ITGB3BP: variants seen among roughly 807,000 people sequenced by gnomAD.
The protein encoded by ITGB3BP is centromere protein R.
A neutral mutation model predicts 29.1 loss-of-function variants in ITGB3BP; 27 were observed. The observed-to-expected ratio is 0.93, with a 90% CI of 0.68 to 1.28. The LOEUF is 1.28. Among genes scored for constraint, ITGB3BP ranks in the 50% most tolerant of loss-of-function variants. ITGB3BP has a pLI of 0.00. For synonymous variants in ITGB3BP, 61 were observed against 61.4 expected (o/e 0.99, Z 0.03); for missense variants, 192 against 200.2 (o/e 0.96, Z 0.25).
chr1:63,463,795 AC>A (rs1645057355), intron 4 of ITGB3BP, among the ~76,000 whole-genome samples: 1 of 152,210 alleles, frequency 6.6e-6, no homozygotes, highest in Non-Finnish European at 1.5e-5. Flanking sequence ...GAAGAAAAAA[AC>A]ATTTTTAAAC....
At chr1:63,505,406 T>C (rs1176629346) in intron 2 of ITGB3BP, among the ~76,000 whole-genome samples, 1 of 152,200 alleles carries the variant, frequency 6.6e-6, no homozygotes, top group East Asian at 1.9e-4. Context: ...CTCTCTTTTC[T>C]TCTTTATTAG....
intron 8 of ITGB3BP, chr1:63,443,031 AG>A (rs1282987391): frequency 1.3e-5 from 2 of 152,270 alleles, no homozygotes; most frequent in African/African-American, 4.8e-5. Flanking sequence ...TGTTTCACAA[AG>A]GCTTCACTTT....
intron 1 of ITGB3BP, among the ~76,000 whole-genome samples, chr1:63,509,533 T>C (rs934516042): frequency 6.6e-6 from 1 of 152,142 alleles, no homozygotes; most frequent in African/African-American, 2.4e-5. Context: ...TGACTATTCG[T>C]AAGTAACTAT....
intron 8 of ITGB3BP, chr1:63,446,422 A>G (rs1333791714): frequency 5.9e-6 from 1 of 170,856 alleles, no homozygotes; most frequent in African/African-American, 2.4e-5. Context: ...CAGACTAGTT[A>G]TATCTTGTTC....
At chr1:63,476,838 T>C (rs938018735) in intron 4 of ITGB3BP, among the ~76,000 whole-genome samples, 1 of 152,254 alleles carries the variant, frequency 6.6e-6, no homozygotes, top group Non-Finnish European at 1.5e-5. Context: ...AAATTTTTAC[T>C]TGCTACTTGC....
In ITGB3BP at chr1:63,493,025, C is replaced by G. The variant is rs548704244; in HGVS notation, c.49-2807G>C. 1.9e-3 allele frequency among the ~76,000 whole-genome samples: 294 copies of G among 152,018 alleles called. 13 individuals are homozygous for G. In the South Asian group the frequency reaches 0.059, roughly 31 times the overall value. On this transcript the variant is annotated intron_variant, in intron 2 of 8. Coordinates refer to ENST00000271002, the MANE Select transcript of ITGB3BP (RefSeq NM_014288.5). ...ACTCTGGAGGCTGAGGTGGGAAGAT[C>G]ACTTAAACCCAGGAAGTTGAGGCTG...
At chr1:63,521,259 T>TA (rs11451867) in intron 1 of ITGB3BP, among the ~76,000 whole-genome samples, 28,163 of 129,784 alleles carry the variant, frequency 0.22, 2,833 homozygotes, top group Middle Eastern at 0.3. Context: ...GTAACCACAT[T>TA]AAAAAAAAAA....
rs1003523343 is a variant in ITGB3BP, at chr1:63,454,641, G to GA, written c.334-169dup. Among the ~76,000 whole-genome samples, 17 of 150,650 alleles carry GA rather than the reference G, an allele frequency of 1.1e-4. No individual in the cohort carries two copies. Among genetic ancestry groups the GA allele is most frequent in the East Asian group, 3.9e-4 (2 of 5,138 alleles). On this transcript the variant is annotated intron_variant, in intron 5 of 8. Transcript: ENST00000271002. This position sits in a 1 kb window ranked among gnomAD's most constrained non-coding sequence, Gnocchi z 4.1. ...AACTATTTCAAGCCCAAAAATGCCTGAAAAAAAACAATTTATAATTAACTA... is the reference window on the plus strand; with the variant it reads ...AACTATTTCAAGCCCAAAAATGCCTGAAAAAAAAACAATTTATAATTAACTA...
At chr1:63,507,955 A>G (rs991928268) in intron 2 of ITGB3BP, among the ~76,000 whole-genome samples, 1 of 152,194 alleles carries the variant, frequency 6.6e-6, no homozygotes, top group South Asian at 2.1e-4. Context: ...ATAAACTAAC[A>G]TATGTCATGA....
chr1:63,513,040 C>G (rs978358548), intron 1 of ITGB3BP, among the ~76,000 whole-genome samples: 2 of 152,160 alleles, frequency 1.3e-5, no homozygotes, highest in African/African-American at 4.8e-5. Flanking sequence ...ATAAATATCA[C>G]AGAAGTGATG....
chr1:63,501,511 G>A (rs572669982), intron 2 of ITGB3BP, among the ~76,000 whole-genome samples: 7 of 152,234 alleles, frequency 4.6e-5, no homozygotes, highest in African/African-American at 1.2e-4. Flanking sequence ...CTTTTGGGGT[G>A]AGAGAAATGT....
intron 4 of ITGB3BP, among the ~76,000 whole-genome samples, chr1:63,470,193 GGCTGTGAGACCCC>G (rs1157676815): frequency 1.3e-5 from 2 of 152,178 alleles, no homozygotes; most frequent in African/African-American, 2.4e-5. Context: ...CAGCTCTAAA[GGCTGTGAGACCCC>G]TGATTTCCCA....
chr1:63,482,649 A>ATTT (rs34619742), intron 3 of ITGB3BP, among the ~76,000 whole-genome samples: 55 of 129,820 alleles, frequency 4.2e-4, no homozygotes, highest in African/African-American at 1.0e-3. Flanking sequence ...AACAATGTTA[A>ATTT]TTTTTTTTTT....
At chr1:63,460,986 T>A (rs1339362922) in intron 4 of ITGB3BP, among the ~76,000 whole-genome samples, 2 of 150,092 alleles carry the variant, frequency 1.3e-5, no homozygotes, top group African/African-American at 4.9e-5. Flanking sequence ...ATGCCTGTAA[T>A]CCCAGCACTT....
At chr1:63,506,232 C>A (rs1161395449) in intron 2 of ITGB3BP, among the ~76,000 whole-genome samples, 2 of 152,096 alleles carry the variant, frequency 1.3e-5, no homozygotes, top group Non-Finnish European at 2.9e-5. Context: ...GGATAGTTAG[C>A]TCTTCTTGTT....
rs1646014784 is a variant in ITGB3BP, at chr1:63,504,225, T to C, written c.48+4303A>G. Reference sequence around the variant, plus strand: ...TTGTAGTTCTCCTTAAAGAGGTCCTTCACATCCCTTGTAAGTTGGATTCCT... The same window carrying C: ...TTGTAGTTCTCCTTAAAGAGGTCCTCCACATCCCTTGTAAGTTGGATTCCT... On this transcript the variant is annotated intron_variant, in intron 2 of 8. Transcript: ENST00000271002. Among the ~76,000 whole-genome samples the C allele has an allele frequency of 2.6e-5, 4 of 151,970 alleles. No individual in the cohort carries two copies. In the South Asian group the frequency reaches 8.3e-4, roughly 31 times the overall value.
rs139738950 is a variant in ITGB3BP at position 63,515,264 on chromosome 1, T to C, written c.6-6694A>G. Among the ~76,000 whole-genome samples, 391 of 152,298 alleles carry C rather than the reference T, an allele frequency of 2.6e-3. 1 individual carries two copies. The highest frequency in any genetic ancestry group is 8.9e-3 in the African/African-American group (371 of 41,558). ...GCCAGCACCACTTGGGAAGAAAATC[T>C]TCTGTTATCCCCACTGAGCTGCTTT... On this transcript the variant is annotated intron_variant, in intron 1 of 8. Coordinates refer to ENST00000271002, the MANE Select transcript of ITGB3BP (RefSeq NM_014288.5).
chr1:63,473,329 G>A (rs546342440), intron 4 of ITGB3BP, among the ~76,000 whole-genome samples: 18 of 151,088 alleles, frequency 1.2e-4, no homozygotes, highest in South Asian at 2.1e-4. Flanking sequence ...CAGCCACCCC[G>A]TCCGGGAGGG....
At chr1:63,451,555 T>A (rs1329965296) in intron 7 of ITGB3BP, among the ~76,000 whole-genome samples, 4 of 151,968 alleles carry the variant, frequency 2.6e-5, no homozygotes, top group Non-Finnish European at 5.9e-5. Context: ...AGGGTAAAAG[T>A]TGTTAGCTTA....
Sources: gnomAD v4.1 joint callset for allele counts (sites outside exome capture counted in the v4.1 genomes callset) on GRCh38, gnomAD v4.1.1 for gene constraint, Gnocchi (gnomAD v3.1) non-coding constraint, MANE v1.5 for transcripts, NCBI Gene and HGNC (gene_info 2026-07-23, HGNC 2026-07-21) for gene names.